The following JAK1 variants were observed in gnomAD, a reference collection of about 807,000 sequenced individuals.
JAK1 encodes the protein tyrosine-protein kinase JAK1.
JAK1 carries 16 observed loss-of-function variants against 136.6 expected under a neutral mutation model. The ratio of observed to expected loss-of-function variants is 0.12; its 90% CI spans 0.08 to 0.18. JAK1 has a LOEUF of 0.18. JAK1 is among the 10% of genes least tolerant of loss of function. The pLI is 1.00. For synonymous variants in JAK1, 492 were observed against 519.5 expected (o/e 0.95, Z 0.72); for missense variants, 859 against 1,450.1 (o/e 0.59, Z 6.62).
chr1:64,935,977 G>A (rs1226008084), intron 1 of JAK1, among the ~76,000 whole-genome samples: 2 of 152,094 alleles, frequency 1.3e-5, no homozygotes. Context: ...ACAAACAGAC[G>A]GTCCAGGGAC....
At chr1:65,045,560 G>C (rs189786351) in intron 1 of JAK1, among the ~76,000 whole-genome samples, 3 of 152,248 alleles carry the variant, frequency 2.0e-5, no homozygotes, top group African/African-American at 7.2e-5. Context: ...GAGTGACCTA[G>C]CTTTATCCTC....
chr1:64,893,288 A>G (rs1291690886), intron 1 of JAK1, among the ~76,000 whole-genome samples: 1 of 152,198 alleles, frequency 6.6e-6, no homozygotes, highest in Non-Finnish European at 1.5e-5. Flanking sequence ...AGCTTGTGCG[A>G]GAGCTTCTTC....
intron 2 of JAK1, among the ~76,000 whole-genome samples, chr1:65,007,170 AAGAC>A (rs554442840): frequency 2.1e-3 from 318 of 152,330 alleles, no homozygotes; most frequent in African/African-American, 7.3e-3. Flanking sequence ...AAATAGGACA[AAGAC>A]AGCTTCAGGA....
intron 2 of JAK1, among the ~76,000 whole-genome samples, chr1:65,030,312 T>C (rs993570826): frequency 1.3e-5 from 2 of 152,186 alleles, no homozygotes; most frequent in Non-Finnish European, 2.9e-5. Flanking sequence ...GTCTACAATA[T>C]TTTGTTATGG....
chr1:65,067,272 C>T (rs1385317211), intron 1 of JAK1, among the ~76,000 whole-genome samples: 19 of 150,366 alleles, frequency 1.3e-4, no homozygotes, highest in Non-Finnish European at 2.8e-4. Context: ...CGGCCCCCGG[C>T]GCCGCCTGGC....
At chr1:64,945,972 A>G (rs1645978213) in intron 1 of JAK1, among the ~76,000 whole-genome samples, 1 of 152,058 alleles carries the variant, frequency 6.6e-6, no homozygotes, top group Non-Finnish European at 1.5e-5. Flanking sequence ...CCTGACCTCA[A>G]GTGATCCACC....
intron 1 of JAK1, among the ~76,000 whole-genome samples, chr1:64,952,750 T>C (rs1646113841): frequency 6.6e-6 from 1 of 152,098 alleles, no homozygotes; most frequent in African/African-American, 2.4e-5. Flanking sequence ...TATGGGGCTG[T>C]TTACACAGGG....
intron 2 of JAK1, among the ~76,000 whole-genome samples, chr1:65,032,884 C>A (rs1647036105): frequency 6.6e-6 from 1 of 152,134 alleles, no homozygotes; most frequent in Non-Finnish European, 1.5e-5. Flanking sequence ...TACTTAATAG[C>A]CATTCTTTCT....
At chr1:64,913,674 A>AGGAAGGAAGGAAGGAAGGAAGGAG (rs1557686529) in intron 1 of JAK1, among the ~76,000 whole-genome samples, 1 of 28,790 alleles carries the variant, frequency 3.5e-5, no homozygotes, top group African/African-American at 9.3e-5. Context: ...GAAGGAAGGA[A>AGGAAGGAAGGAAGGAAGGAAGGAG]GGAAGGAAGG....
chr1:64,885,439 A>G (rs1017595172), intron 2 of JAK1, among the ~76,000 whole-genome samples: 2 of 152,248 alleles, frequency 1.3e-5, no homozygotes, highest in African/African-American at 4.8e-5. Flanking sequence ...ATATATTTAC[A>G]GGATGTCACA....
intron 7 of JAK1, 152 bp downstream of exon 7, chr1:64,866,714 G>A (rs1656726583): frequency 1.6e-6 from 1 of 609,864 alleles, no homozygotes; most frequent in South Asian, 2.1e-5. Flanking sequence ...GTGCTACAGG[G>A]ATGAAATAAA....
chr1:64,916,215 G>A (rs1226259387), intron 1 of JAK1, among the ~76,000 whole-genome samples: 5 of 152,142 alleles, frequency 3.3e-5, no homozygotes, highest in Non-Finnish European at 1.5e-5. Context: ...TACACAGAGA[G>A]AAAACTTTAA....
chr1:65,042,746 A>G (rs1647146652), intron 2 of JAK1, among the ~76,000 whole-genome samples: 1 of 152,282 alleles, frequency 6.6e-6, no homozygotes, highest in South Asian at 2.1e-4. Flanking sequence ...TTCTTGGTCT[A>G]CAGAGAACTA....
chr1:64,999,078 C>A (rs1313974267), intron 2 of JAK1, among the ~76,000 whole-genome samples: 1 of 152,098 alleles, frequency 6.6e-6, no homozygotes, highest in East Asian at 1.9e-4. Flanking sequence ...CTTTTGTTTT[C>A]TCTCCTCAGG....
intron 2 of JAK1, among the ~76,000 whole-genome samples, chr1:64,982,404 T>C (rs185861319): frequency 5.9e-4 from 90 of 152,174 alleles, no homozygotes; most frequent in South Asian, 2.3e-3. Context: ...GTCCGGGAGG[T>C]AAATTGGCAC....
intron 8 of JAK1, 55 bp from the exon 9 acceptor site, chr1:64,860,317 G>A: frequency 6.7e-7 from 1 of 1,485,708 alleles, no homozygotes; most frequent in Admixed American, 1.9e-5. Flanking sequence ...CAGCTTAAGT[G>A]GCTGACTCTG....
chr1:64,912,470 C>T (rs535175893), intron 1 of JAK1, among the ~76,000 whole-genome samples: 1 of 152,334 alleles, frequency 6.6e-6, no homozygotes, highest in African/African-American at 2.4e-5. Flanking sequence ...ATCCTAGTCA[C>T]TCCTTTCAAG....
intron 2 of JAK1, among the ~76,000 whole-genome samples, chr1:65,036,214 C>T (rs564789129): frequency 2.0e-5 from 3 of 152,268 alleles, no homozygotes; most frequent in Non-Finnish European, 2.9e-5. Context: ...GGGAAGATTG[C>T]TTGAGTCCAG....
intron 2 of JAK1, among the ~76,000 whole-genome samples, chr1:65,039,767 C>T (rs1331868764): frequency 1.3e-5 from 2 of 152,214 alleles, no homozygotes; most frequent in African/African-American, 4.8e-5. Context: ...ACAGCCATTG[C>T]CTTTTCCAGG....
Sources: gnomAD v4.1 joint callset for allele counts (sites outside exome capture counted in the v4.1 genomes callset) on GRCh38, gnomAD v4.1.1 for gene constraint, MANE v1.5 for transcripts, NCBI Gene and HGNC (gene_info 2026-07-23, HGNC 2026-07-21) for gene names.